Variants in SLC6A17 observed in about 807,000 individuals in gnomAD.
SLC6A17 encodes solute carrier family 6 member 17, also known as sodium-dependent neutral amino acid transporter SLC6A17.
In SLC6A17, 21 loss-of-function variants were observed where a neutral mutation model predicts 64.5. The observed-to-expected ratio is 0.33, with a 90% CI of 0.23 to 0.47. The LOEUF is 0.47. Ranked by LOEUF, SLC6A17 falls within the 20% of genes least tolerant of loss-of-function variation. The pLI is 1.00. For missense variants in SLC6A17, 682 were observed against 963.2 expected (o/e 0.71, Z 3.86); for synonymous variants, 372 against 399.5 (o/e 0.93, Z 0.82).
rs151171218 is a variant in SLC6A17 at position 110,192,154 on chromosome 1, C to T, written c.1047C>T (p.Leu349=). 104 of 1,614,182 alleles carry T rather than the reference C, an allele frequency of 6.4e-5. 1 individual carries two copies. In the African/African-American group the frequency reaches 1.1e-3, roughly 17 times the overall value. ...TCTTCACGTCAGTGTTGGCCACCCT[C>T]GTGGTGTTTGCTGTGCTGGGCTTCA... ...INFFTSVLAT[L]VVFAVLGFKA... The change falls in exon 7 of 12, where the codon CTC becomes CTT. Residue 349 remains leucine (L), a synonymous_variant. Transcript: ENST00000331565. The surrounding 1 kb of genome is among the most constrained non-coding windows in gnomAD (Gnocchi z 4.3).
Position 110,167,960 on chromosome 1 carries a change from G to C in SLC6A17, c.286+745G>C, listed in dbSNP as rs191959546. Among the ~76,000 whole-genome samples the C allele has an allele frequency of 4.6e-3, 701 of 152,264 alleles. 5 individuals are homozygous for C. The highest frequency in any genetic ancestry group is 5.8e-3 in the Non-Finnish European group (395 of 68,004). Reference sequence around the variant, plus strand: ...CTCCACACCTATTGCTTCCGGGTAGGAGGGGCCTTCACACTGCCCCCTAGG... The same window carrying C: ...CTCCACACCTATTGCTTCCGGGTAGCAGGGGCCTTCACACTGCCCCCTAGG... On this transcript the variant is annotated intron_variant, in intron 2 of 11. Transcript: ENST00000331565.
intron 6 of SLC6A17, among the ~76,000 whole-genome samples, chr1:110,186,458 A>AATG (rs71096339): frequency 1.0e-5 from 1 of 98,208 alleles, no homozygotes. Flanking sequence ...AAAAAAAAAA[A>AATG]AAGGAAAGAG....
chr1:110,195,455 C>A, intron 9 of SLC6A17, 131 bp from the exon 10 acceptor site: 1 of 1,138,824 alleles, frequency 8.8e-7, no homozygotes, highest in Non-Finnish European at 1.3e-6. Context: ...AGGACTGAGC[C>A]TGCTGGCAGG....
intron 6 of SLC6A17, among the ~76,000 whole-genome samples, chr1:110,179,565 T>A (rs1425371670): frequency 2.8e-5 from 2 of 71,110 alleles, no homozygotes; most frequent in Non-Finnish European, 5.7e-5. Context: ...CCTTCCTTTC[T>A]TTTTTGAGTT....
At chr1:110,191,148 A>G (rs974696272) in intron 6 of SLC6A17, among the ~76,000 whole-genome samples, 5 of 152,326 alleles carry the variant, frequency 3.3e-5, no homozygotes, top group African/African-American at 1.2e-4. Flanking sequence ...TCTGAAGCTC[A>G]TAACACAGTC....
At chr1:110,171,500 A>G (rs971227125) in intron 2 of SLC6A17, among the ~76,000 whole-genome samples, 3 of 152,062 alleles carry the variant, frequency 2.0e-5, no homozygotes, top group African/African-American at 7.2e-5. Flanking sequence ...AATTAGCTGT[A>G]GATTAGTGGC....
intron 3 of SLC6A17, 89 bp from the exon 4 acceptor site, chr1:110,173,884 G>A (rs1006377779): frequency 6.5e-6 from 10 of 1,537,494 alleles, no homozygotes; most frequent in Middle Eastern, 3.7e-4. Context: ...TGTTTATGGC[G>A]CTGCCGACGT....
Position 110,197,920 on chromosome 1 carries a change from C to T in SLC6A17, c.1816-156C>T, listed in dbSNP as rs76280630. Among the ~76,000 whole-genome samples, 930 of 152,316 alleles carry T rather than the reference C, an allele frequency of 6.1e-3. 12 individuals are homozygous for T. The highest frequency in any genetic ancestry group is 0.021 in the African/African-American group (883 of 41,562). On this transcript the variant is annotated intron_variant, in intron 11 of 11. Coordinates refer to ENST00000331565, the MANE Select transcript of SLC6A17 (RefSeq NM_001010898.4). ...CCCTAGACCCTTTCACCAAGGTGAC[C>T]AGGTAAACCCCCATCCTTGGCTGTG...
chr1:110,198,578 C>G lies in SLC6A17; in HGVS notation c.*134C>G. 2 of 1,423,078 alleles carry G rather than the reference C, an allele frequency of 1.4e-6. No individual in the cohort carries two copies. The highest frequency in any genetic ancestry group is 2.8e-5 in the South Asian group (2 of 72,226). 88.2% of individuals were successfully genotyped at this position (1,423,078 alleles called of 1,614,324 possible). Reference sequence around the variant, plus strand: ...CAAGAAGAGAGGGTCTGCCCTGCCTCACTCCCCTCTTCAGTCCCAGTAGAC... The same window carrying G: ...CAAGAAGAGAGGGTCTGCCCTGCCTGACTCCCCTCTTCAGTCCCAGTAGAC... On this transcript the variant is annotated 3_prime_UTR_variant, in exon 12 of 12. Transcript: ENST00000331565.
chr1:110,197,499 G>A lies in SLC6A17; in HGVS notation c.1715G>A (p.Trp572Ter). ...CCCTACCGCTTCTATTTCTACATGT[G>A]GAAGTTCGTGTCTCCACTATGCATG... ...FRPYRFYFYM[W>*]KFVSPLCMAV... Residue 572 changes from tryptophan (W) to a stop codon, truncating the protein, a stop_gained, in exon 11 of 12, where the codon TGG becomes TAG. Coordinates refer to ENST00000331565, the MANE Select transcript of SLC6A17 (RefSeq NM_001010898.4). LOFTEE classifies it high-confidence loss of function. 6.2e-7 allele frequency: 1 copy of A among 1,613,834 alleles called. No individual in the cohort carries two copies. The highest frequency in any genetic ancestry group is 8.5e-7 in the Non-Finnish European group (1 of 1,179,968).
At chr1:110,181,340 C>G (rs1656517666) in intron 6 of SLC6A17, among the ~76,000 whole-genome samples, 1 of 152,202 alleles carries the variant, frequency 6.6e-6, no homozygotes, top group South Asian at 2.1e-4. Context: ...CATACGTAAG[C>G]AAAATGATCA....
In SLC6A17 at chr1:110,199,152, C is replaced by T. The variant is rs923277490; in HGVS notation, c.*708C>T. ...AATCTTCCCATGTCCTTGGCCCTGCCTGGGGTGTGTGGTGTGTGCTCCTGC... is the reference window on the plus strand; with the variant it reads ...AATCTTCCCATGTCCTTGGCCCTGCTTGGGGTGTGTGGTGTGTGCTCCTGC... On this transcript the variant is annotated 3_prime_UTR_variant, in exon 12 of 12. Coordinates refer to ENST00000331565, the MANE Select transcript of SLC6A17 (RefSeq NM_001010898.4). 1 of 152,776 alleles carries T rather than the reference C, an allele frequency of 6.5e-6. No homozygotes were observed. The highest frequency in any genetic ancestry group is 2.4e-5 in the African/African-American group (1 of 41,446). 9.5% of individuals were successfully genotyped at this position (152,776 alleles called of 1,614,324 possible). A position where few individuals can be genotyped will look rare whatever the true frequency, so the allele number is the denominator to read the frequency against.
In SLC6A17 at chr1:110,167,091, G is replaced by C. The variant is rs749909247; in HGVS notation, c.162G>C (p.Glu54Asp). ...GCAAGCAGAAGGCGGTGGAGGAGGA[G>C]CTGGATGCAGAGGACCGGCCGGCCT... ...AGGKQKAVEE[E>D]LDAEDRPAWN... The change falls in exon 2 of 12, where the codon GAG becomes GAC. Residue 54 changes from glutamate to aspartate, a missense_variant. Around this residue, in one of 3 missense-constraint regions of SLC6A17, gnomAD observed 415 missense variants for 603.8 expected, o/e 0.69. Coordinates refer to ENST00000331565, the MANE Select transcript of SLC6A17 (RefSeq NM_001010898.4). The C allele has an allele frequency of 1.2e-6, 2 of 1,612,164 alleles. No individual in the cohort carries two copies. Among genetic ancestry groups the C allele is most frequent in the Non-Finnish European group, 1.7e-6 (2 of 1,179,384 alleles).
At chr1:110,173,896 C>CAGTGTAGATCTCGG in intron 3 of SLC6A17, 77 bp from the exon 4 acceptor site, 1 of 1,517,656 alleles carries the variant, frequency 6.6e-7, no homozygotes, top group Non-Finnish European at 8.8e-7. Flanking sequence ...TGCCGACGTG[C>CAGTGTAGATCTCGG]TGGGCCTCGG....
At chr1:110,162,472 A>G (rs560574925) in intron 1 of SLC6A17, among the ~76,000 whole-genome samples, 2 of 152,330 alleles carry the variant, frequency 1.3e-5, no homozygotes, top group Admixed American at 6.5e-5. Context: ...CAATAGTACC[A>G]GTTTGCACGG....
intron 6 of SLC6A17, among the ~76,000 whole-genome samples, chr1:110,189,352 A>G (rs1656766676): frequency 1.3e-5 from 2 of 152,028 alleles, no homozygotes; most frequent in African/African-American, 2.4e-5. Flanking sequence ...GGCCAGAGAC[A>G]TGGCCCTCAC....
In SLC6A17 at chr1:110,197,559, G is replaced by T; in HGVS notation, c.1775G>T (p.Gly592Val). 1.9e-6 allele frequency: 3 copies of T among 1,611,882 alleles called. No homozygotes were observed. Among genetic ancestry groups the T allele is most frequent in the Non-Finnish European group, 2.5e-6 (3 of 1,179,064 alleles). Residue 592 changes from glycine to valine, a missense_variant, in exon 11 of 12, where the codon GGG (glycine) becomes GTG (valine). Gly to Val is a moderately radical substitution (Grantham distance 109). This residue lies in a region of SLC6A17 where 264 missense variants were observed against 339.5 expected (regional missense o/e 0.78). Coordinates refer to ENST00000331565, the MANE Select transcript of SLC6A17 (RefSeq NM_001010898.4). The stretch of plus-strand genomic sequence containing the variant: ...ACCACAGCCAGCATCATCCAGCTGG[G>T]GGTCACGCCCCCGGGCTACAGCGCC... Reference protein sequence around the residue: ...VLTTASIIQLGVTPPGYSAWI... With the variant: ...VLTTASIIQLVVTPPGYSAWI...
chr1:110,174,224 C>A, intron 4 of SLC6A17, 125 bp downstream of exon 4: 2 of 1,333,806 alleles, frequency 1.5e-6, no homozygotes, highest in Non-Finnish European at 2.0e-6. Context: ...CTTAACATCT[C>A]TGATCCTCAT....
At chr1:110,179,527 T>TCCCCTCCCCC (rs1656460934) in intron 6 of SLC6A17, among the ~76,000 whole-genome samples, 1 of 26,766 alleles carries the variant, frequency 3.7e-5, no homozygotes, top group African/African-American at 1.7e-4. Context: ...CCCTTCCCCT[T>TCCCCTCCCCC]CCCCTCCCCT....
Sources: allele counts gnomAD v4.1 joint callset (sites outside exome capture counted in the v4.1 genomes callset), GRCh38; gene constraint gnomAD v4.1.1; regional missense constraint gnomAD v4.1.1; non-coding constraint Gnocchi (gnomAD v3.1); transcripts MANE v1.5; gene names NCBI Gene and HGNC (gene_info 2026-07-23, HGNC 2026-07-21).